The following NTNG1 variants were observed in gnomAD, a reference collection of about 807,000 sequenced individuals.
NTNG1 encodes the protein netrin-G1.
Under a neutral mutation model 54.0 loss-of-function variants are expected in NTNG1, and 16 were observed. The ratio of observed to expected loss-of-function variants is 0.30; its 90% CI spans 0.20 to 0.45. The LOEUF (loss-of-function observed/expected upper bound fraction) is 0.45, where lower values mean the gene tolerates loss of function less well. Ranked by LOEUF, NTNG1 falls within the 20% of genes least tolerant of loss-of-function variation. The pLI is 1.00. For missense variants in NTNG1, 530 were observed against 678.7 expected, an observed-to-expected ratio of 0.78 and a Z score of 2.43; for synonymous variants, 255 against 263.1, an observed-to-expected ratio of 0.97 and a Z score of 0.30.
rs2819983 is a variant in NTNG1 at position 107,400,815 on chromosome 1, A to G, written c.1060+5489A>G. Reference sequence around the variant, plus strand: ...AGGTGCCCACCACCACACCCAGCTAATTTTTTGTATTTTTAGTAGAGAAAG... The same window carrying G: ...AGGTGCCCACCACCACACCCAGCTAGTTTTTTGTATTTTTAGTAGAGAAAG... On this transcript the variant is annotated intron_variant, in intron 4 of 7. Transcript: ENST00000370068. Among the ~76,000 whole-genome samples the G allele has an allele frequency of 8.9e-3, 1,348 of 151,938 alleles. 17 individuals carry two copies. The highest frequency in any genetic ancestry group is 0.026 in the African/African-American group (1,089 of 41,442).
intron 2 of NTNG1, among the ~76,000 whole-genome samples, chr1:107,261,232 T>C (rs1262213726): frequency 1.3e-5 from 2 of 152,230 alleles, no homozygotes; most frequent in African/African-American, 4.8e-5. Context: ...ACATAATCCC[T>C]GCCTTCATGT....
At chr1:107,312,708 G>C (rs750207910) in intron 2 of NTNG1, among the ~76,000 whole-genome samples, 1 of 152,044 alleles carries the variant, frequency 6.6e-6, no homozygotes, top group Non-Finnish European at 1.5e-5. Flanking sequence ...ATTCCTGGTG[G>C]GTGGGGACTG....
chr1:107,441,802 A>C (rs980234596), intron 7 of NTNG1, among the ~76,000 whole-genome samples: 2 of 152,130 alleles, frequency 1.3e-5, no homozygotes, highest in African/African-American at 4.8e-5. Flanking sequence ...GGTGTTATGA[A>C]GACAGAATGC....
At chr1:107,309,446 A>G (rs1167280359) in intron 2 of NTNG1, among the ~76,000 whole-genome samples, 1 of 152,190 alleles carries the variant, frequency 6.6e-6, no homozygotes, top group Non-Finnish European at 1.5e-5. Context: ...GAGCAGTTTC[A>G]TATTTTGTTA....
rs17018865 is a variant in NTNG1 at position 107,396,094 on chromosome 1, A to C, written c.1060+768A>C. Among the ~76,000 whole-genome samples, 1,810 of 152,302 alleles carry C rather than the reference A, an allele frequency of 0.012. 91 individuals are homozygous for C. The East Asian group carries it at 0.18, about 15-fold the overall frequency. On this transcript the variant is annotated intron_variant, in intron 4 of 7. Coordinates refer to ENST00000370068, the MANE Select transcript of NTNG1 (RefSeq NM_001113226.3). ...CTGAATAATTTGCCCAATTCCATGG[A>C]TGGACCAATTAACTACCTGCAACAG...
chr1:107,403,045 C>G (rs979508718), intron 4 of NTNG1, among the ~76,000 whole-genome samples: 7 of 152,108 alleles, frequency 4.6e-5, no homozygotes, highest in African/African-American at 1.4e-4. Context: ...TTTTTGAAAT[C>G]ATCATTTTGA....
chr1:107,320,974 G>A (rs2101868205), intron 2 of NTNG1, among the ~76,000 whole-genome samples: 2 of 152,144 alleles, frequency 1.3e-5, no homozygotes, highest in East Asian at 3.9e-4. Context: ...GTCAAATGAA[G>A]GACGAAACTG....
At chr1:107,352,709 A>G (rs1669696207) in intron 3 of NTNG1, among the ~76,000 whole-genome samples, 1 of 152,204 alleles carries the variant, frequency 6.6e-6, no homozygotes, top group South Asian at 2.1e-4. Flanking sequence ...TAAGGTGTGG[A>G]TCAGCTTAAA....
In NTNG1 at chr1:107,290,964, T is replaced by A. The variant is rs9729847; in HGVS notation, c.247-33318T>A. On this transcript the variant is annotated intron_variant, in intron 2 of 7. Coordinates refer to ENST00000370068, the MANE Select transcript of NTNG1 (RefSeq NM_001113226.3). ...TATTTTAAAGTGCATATATATATAT[T>A]ATATATATATATATATATATACACA... Among the ~76,000 whole-genome samples the A allele has an allele frequency of 6.0e-3, 346 of 57,692 alleles. 2 individuals are homozygous for A. The highest frequency in any genetic ancestry group is 0.038 in the African/African-American group (312 of 8,180). The allele number at this position is 57,692 out of a possible 152,430, so 37.8% of individuals were successfully genotyped here. A position where few individuals can be genotyped will look rare whatever the true frequency, so the allele number is the denominator to read the frequency against.
intron 2 of NTNG1, among the ~76,000 whole-genome samples, chr1:107,278,235 A>G (rs1053208776): frequency 6.6e-6 from 1 of 152,230 alleles, no homozygotes; most frequent in Admixed American, 6.5e-5. Flanking sequence ...CTAAAGAACT[A>G]TTCTCTCAAT....
chr1:107,428,844 G>C (rs1475622005), intron 5 of NTNG1, among the ~76,000 whole-genome samples: 1 of 152,112 alleles, frequency 6.6e-6, no homozygotes, highest in African/African-American at 2.4e-5. Context: ...GGTGGGAAAT[G>C]CTTGTTGTTT....
intron 2 of NTNG1, among the ~76,000 whole-genome samples, chr1:107,267,366 C>T (rs544068046): frequency 1.3e-5 from 2 of 152,226 alleles, no homozygotes; most frequent in South Asian, 4.2e-4. Flanking sequence ...GATTTGAGTG[C>T]AGGAGATGAA....
At chr1:107,377,886 C>T (rs954131037) in intron 3 of NTNG1, among the ~76,000 whole-genome samples, 1 of 152,336 alleles carries the variant, frequency 6.6e-6, no homozygotes, top group Admixed American at 6.5e-5. Flanking sequence ...AGGATCAGGG[C>T]ATTCCCAACA....
chr1:107,204,819 C>A (rs1165982510), intron 2 of NTNG1, among the ~76,000 whole-genome samples: 2 of 152,124 alleles, frequency 1.3e-5, no homozygotes, highest in Non-Finnish European at 2.9e-5. Context: ...TCTGTACATA[C>A]CCTTCTTGAC....
intron 7 of NTNG1, among the ~76,000 whole-genome samples, chr1:107,446,798 G>A (rs1676332253): frequency 6.6e-6 from 1 of 152,072 alleles, no homozygotes; most frequent in Admixed American, 6.6e-5. Context: ...ATTGCTACAA[G>A]GAGGGGAGAA....
At chr1:107,201,188 A>G (rs1381401798) in intron 2 of NTNG1, among the ~76,000 whole-genome samples, 2 of 151,846 alleles carry the variant, frequency 1.3e-5, no homozygotes, top group African/African-American at 4.8e-5. Flanking sequence ...ACAGATAATG[A>G]TGGAGTAAAC....
chr1:107,147,303 G>T (rs917642149), intron 1 of NTNG1, among the ~76,000 whole-genome samples: 2 of 152,058 alleles, frequency 1.3e-5, no homozygotes, highest in Non-Finnish European at 2.9e-5. Flanking sequence ...TTTTACTACA[G>T]AGCTTTTAGT....
At chr1:107,329,540 GA>G (rs1197042000) in intron 3 of NTNG1, among the ~76,000 whole-genome samples, 3 of 152,056 alleles carry the variant, frequency 2.0e-5, no homozygotes, top group Non-Finnish European at 2.9e-5. Context: ...TAAATTTCTG[GA>G]AAAATCAGTT....
intron 2 of NTNG1, among the ~76,000 whole-genome samples, chr1:107,304,420 A>T (rs1452674760): frequency 6.6e-6 from 1 of 152,174 alleles, no homozygotes; most frequent in Non-Finnish European, 1.5e-5. Context: ...TTTATGGCCA[A>T]ATACATGAAT....
Sources: allele counts gnomAD v4.1 joint callset (sites outside exome capture counted in the v4.1 genomes callset), GRCh38; gene constraint gnomAD v4.1.1; transcripts MANE v1.5; gene names NCBI Gene and HGNC (gene_info 2026-07-23, HGNC 2026-07-21).